CDH4: variants seen among roughly 807,000 people sequenced by gnomAD.
The protein encoded by CDH4 is cadherin-4.
In CDH4, 33 loss-of-function variants were observed where a neutral mutation model predicts 86.0. The observed-to-expected ratio is 0.38, with a 90% CI of 0.29 to 0.51. The LOEUF is 0.51. Ranked by LOEUF, CDH4 falls within the 20% of genes least tolerant of loss-of-function variation. The pLI is 0.86. For missense variants in CDH4, 1,114 were observed against 1,307.4 expected (o/e 0.85, Z 2.28); for synonymous variants, 555 against 549.4 (o/e 1.01, Z -0.14).
chr20:61,343,178 A>G (rs2084658081), intron 2 of CDH4, among the ~76,000 whole-genome samples: 1 of 152,200 alleles, frequency 6.6e-6, no homozygotes, highest in Admixed American at 6.5e-5. Flanking sequence ...ACATTTGCTG[A>G]TCCCCCTTTT....
At chr20:61,797,679 C>T (rs993367038) in intron 4 of CDH4, among the ~76,000 whole-genome samples, 12 of 152,130 alleles carry the variant, frequency 7.9e-5, no homozygotes, top group Admixed American at 3.3e-4. Context: ...CCCAGCTCCT[C>T]GGGAGGCTGA....
chr20:61,404,310 G>T (rs2085067549), intron 2 of CDH4, among the ~76,000 whole-genome samples: 1 of 152,028 alleles, frequency 6.6e-6, no homozygotes, highest in Non-Finnish European at 1.5e-5. Flanking sequence ...GAGGACAGCT[G>T]CTGAAATCTT....
chr20:61,683,475 C>T (rs6121758), intron 2 of CDH4, among the ~76,000 whole-genome samples: 1 of 152,102 alleles, frequency 6.6e-6, no homozygotes, highest in African/African-American at 2.4e-5. Context: ...CGTGGAGGCC[C>T]GTGGGCAGGT....
At chr20:61,322,059 G>A (rs946401797) in intron 2 of CDH4, among the ~76,000 whole-genome samples, 16 of 152,154 alleles carry the variant, frequency 1.1e-4, no homozygotes, top group Non-Finnish European at 1.6e-4. Context: ...TACGTGGTTG[G>A]TCAGAGGTCC....
chr20:61,265,598 G>A (rs1466311652), intron 2 of CDH4, among the ~76,000 whole-genome samples: 3 of 152,146 alleles, frequency 2.0e-5, no homozygotes, highest in African/African-American at 7.2e-5. Flanking sequence ...CCTTCATTCA[G>A]TCTTACATGG....
intron 2 of CDH4, among the ~76,000 whole-genome samples, chr20:61,504,348 G>GTT (rs916728362): frequency 6.6e-6 from 1 of 152,190 alleles, no homozygotes; most frequent in African/African-American, 2.4e-5. Flanking sequence ...TCGGATTGTG[G>GTT]TTTTTTTCTC....
At chr20:61,498,152 C>T (rs1014526362) in intron 2 of CDH4, among the ~76,000 whole-genome samples, 4 of 151,570 alleles carry the variant, frequency 2.6e-5, no homozygotes, top group African/African-American at 9.7e-5. Flanking sequence ...CACATGTATA[C>T]ATATGTAACT....
intron 3 of CDH4, among the ~76,000 whole-genome samples, chr20:61,768,849 G>A (rs1265015418): frequency 6.6e-6 from 1 of 152,110 alleles, no homozygotes. Flanking sequence ...ACAACACTAG[G>A]GAAATTAACG....
intron 6 of CDH4, among the ~76,000 whole-genome samples, chr20:61,868,479 A>G (rs1983647377): frequency 6.6e-6 from 1 of 152,132 alleles, no homozygotes; most frequent in South Asian, 2.1e-4. Flanking sequence ...GCTCCACAGT[A>G]TTCAGCATCA....
chr20:61,335,170 G>A (rs1002604821), intron 2 of CDH4, among the ~76,000 whole-genome samples: 3 of 152,328 alleles, frequency 2.0e-5, no homozygotes, highest in East Asian at 3.9e-4. Context: ...TGATATTGAT[G>A]CCTTCCTTCT....
chr20:61,661,231 G>T (rs190644017), intron 2 of CDH4, among the ~76,000 whole-genome samples: 10 of 152,266 alleles, frequency 6.6e-5, no homozygotes, highest in African/African-American at 2.2e-4. Flanking sequence ...CCGCCCGTCT[G>T]GGAGCTGGGA....
chr20:61,489,813 G>A (rs915028364), intron 2 of CDH4, among the ~76,000 whole-genome samples: 11 of 152,208 alleles, frequency 7.2e-5, no homozygotes, highest in African/African-American at 2.4e-4. Flanking sequence ...GAGCCTCAGA[G>A]TCCACATCCT....
chr20:61,845,243 T>C (rs1982386852), intron 5 of CDH4, among the ~76,000 whole-genome samples: 2 of 152,250 alleles, frequency 1.3e-5, no homozygotes, highest in African/African-American at 4.8e-5. Context: ...CACAGCCCAT[T>C]GTCCCTCACA....
chr20:61,840,498 C>A (rs370851293), intron 4 of CDH4, among the ~76,000 whole-genome samples: 42 of 152,332 alleles, frequency 2.8e-4, no homozygotes, highest in African/African-American at 1.0e-3. Context: ...AGCAGAAGTC[C>A]CTGGGTGAAC....
chr20:61,726,344 G>A (rs528605574), intron 2 of CDH4, among the ~76,000 whole-genome samples: 1 of 152,280 alleles, frequency 6.6e-6, no homozygotes, highest in East Asian at 1.9e-4. Context: ...CCCTGCGGTG[G>A]TTTCTGCTTG....
chr20:61,739,328 G>A (rs1213981787), intron 2 of CDH4, among the ~76,000 whole-genome samples: 1 of 152,156 alleles, frequency 6.6e-6, no homozygotes, highest in Admixed American at 6.5e-5. Context: ...GGACCAGCCT[G>A]GGGAGGCTTT....
Position 61,924,474 on chromosome 20 carries a change from A to G in CDH4, c.1769A>G (p.Asn590Ser). 1 of 1,612,762 alleles carries G rather than the reference A, an allele frequency of 6.2e-7. No homozygotes were observed. Among genetic ancestry groups the G allele is most frequent in the Non-Finnish European group, 8.5e-7 (1 of 1,179,516 alleles). ...VYEATFLAAD[N>S]GIPPASGTGT... ...GAGGCCACCTTCCTGGCAGCTGACA[A>G]TGGTGCGGCCCACCCCAGGGAGGCA... is the stretch of plus-strand genomic sequence containing the variant. The change falls in exon 11 of 16, where the codon AAT (asparagine) becomes AGT (serine). Residue 590 changes from asparagine (N) to serine (S), a missense_variant and splice_region_variant. Transcript: ENST00000614565.
chr20:61,505,350 G>C (rs2085733029), intron 2 of CDH4, among the ~76,000 whole-genome samples: 1 of 152,206 alleles, frequency 6.6e-6, no homozygotes. Context: ...GTTTCTAGGA[G>C]TTAGGCGTAG....
At chr20:61,653,924 A>G (rs577152767) in intron 2 of CDH4, among the ~76,000 whole-genome samples, 9 of 127,374 alleles carry the variant, frequency 7.1e-5, no homozygotes, top group South Asian at 2.6e-4. Context: ...GCGCAGAGAC[A>G]CTCCTCACTT....
Sources: allele counts gnomAD v4.1 joint callset (sites outside exome capture counted in the v4.1 genomes callset), GRCh38; gene constraint gnomAD v4.1.1; transcripts MANE v1.5; gene names NCBI Gene and HGNC (gene_info 2026-07-23, HGNC 2026-07-21).